ANKIB1: variants seen among roughly 807,000 people sequenced by gnomAD.
ANKIB1 encodes the protein ankyrin repeat and IBR domain-containing protein 1.
Under a neutral mutation model 122.1 loss-of-function variants are expected in ANKIB1, and 43 were observed. That is an observed-to-expected ratio of 0.35 (90% CI 0.28 to 0.45). The LOEUF (loss-of-function observed/expected upper bound fraction) is 0.45, where lower values mean the gene tolerates loss of function less well. Among genes scored for constraint, ANKIB1 ranks in the 20% least tolerant of loss-of-function variants. The probability of loss-of-function intolerance (pLI) is 1.00; values close to 1 mark genes in which losing one functional copy is unlikely to be tolerated. For missense variants in ANKIB1, 992 were observed against 1,329.5 expected (o/e 0.75, Z 3.95); for synonymous variants, 390 against 442.0 (o/e 0.88, Z 1.48).
intron 2 of ANKIB1, among the ~76,000 whole-genome samples, chr7:92,300,943 C>T (rs1337516129): frequency 6.6e-6 from 1 of 152,098 alleles, no homozygotes; most frequent in Non-Finnish European, 1.5e-5. Flanking sequence ...TGAGATCTTG[C>T]ACTCATTTGT....
At chr7:92,286,143 G>C (rs1454095147) in intron 1 of ANKIB1, among the ~76,000 whole-genome samples, 2 of 152,130 alleles carry the variant, frequency 1.3e-5, no homozygotes, top group Non-Finnish European at 2.9e-5. Flanking sequence ...TTCTCCAAAT[G>C]AGATATTTTA....
At chr7:92,395,965 A>T (rs369182992) in intron 17 of ANKIB1, 2 of 213,040 alleles carry the variant, frequency 9.4e-6, no homozygotes, top group Non-Finnish European at 1.8e-5. Flanking sequence ...CCTAAGCAAC[A>T]TAGCAAGACT....
chr7:92,363,782 A>T (rs1458425183), intron 10 of ANKIB1, among the ~76,000 whole-genome samples: 2 of 152,250 alleles, frequency 1.3e-5, no homozygotes, highest in East Asian at 3.9e-4. Context: ...TCAGCATTTT[A>T]GATCTACGAG....
At position 92,295,065 on chromosome 7, in the gene ANKIB1, G is replaced by A; in HGVS notation, c.87G>A (p.Gln29=). The change falls in exon 2 of 20, where the codon CAG becomes CAA. Residue 29 remains glutamine (Q), a synonymous_variant. Transcript: ENST00000265742. ...LACQIYENNP[Q]LKESLDPNTS... ...GCCAAATATATGAAAACAATCCTCA[G>A]CTAAAAGAATCTCTTGATCCAAATA... is the stretch of plus-strand genomic sequence containing the variant. 1.9e-6 allele frequency: 3 copies of A among 1,598,976 alleles called. No homozygotes were observed. The highest frequency in any genetic ancestry group is 2.6e-6 in the Non-Finnish European group (3 of 1,172,408).
chr7:92,368,886 A>G (rs1448866699), intron 10 of ANKIB1, among the ~76,000 whole-genome samples: 7 of 152,166 alleles, frequency 4.6e-5, no homozygotes, highest in Admixed American at 4.6e-4. Flanking sequence ...CAGTTAGGAG[A>G]TCACATTCTC....
chr7:92,389,274 C>G (rs571803987), intron 14 of ANKIB1, among the ~76,000 whole-genome samples: 1 of 152,082 alleles, frequency 6.6e-6, no homozygotes, highest in African/African-American at 2.4e-5. Flanking sequence ...CCAAAATAAT[C>G]TGAGTTTCTG....
At position 92,363,053 on chromosome 7, in the gene ANKIB1, TA is replaced by T. The variant is rs540406716; in HGVS notation, c.1486+793del. Reference sequence around the variant, plus strand: ...GTGAAAATTAATTAGTTCTGGTCTTTAAAAAAAAAAAAAGACTTAGATAATG... The same window carrying T: ...GTGAAAATTAATTAGTTCTGGTCTTTAAAAAAAAAAAAGACTTAGATAATG... On this transcript the variant is annotated intron_variant, in intron 10 of 19. Coordinates refer to ENST00000265742, the MANE Select transcript of ANKIB1 (RefSeq NM_019004.2). Among the ~76,000 whole-genome samples the T allele has an allele frequency of 7.3e-3, 1,052 of 143,256 alleles. 3 individuals are homozygous for T. The highest frequency in any genetic ancestry group is 0.026 in the East Asian group (130 of 4,998). 94.0% of individuals were successfully genotyped at this position (143,256 alleles called of 152,430 possible).
intron 1 of ANKIB1, among the ~76,000 whole-genome samples, chr7:92,250,349 C>T (rs1393723971): frequency 2.0e-5 from 3 of 152,202 alleles, no homozygotes; most frequent in Admixed American, 2.0e-4. Flanking sequence ...GCCGAGATCA[C>T]GCCATTGCAC....
At position 92,398,637 on chromosome 7, in the gene ANKIB1, C is replaced by G. The variant is rs751630096; in HGVS notation, c.2958C>G (p.Ala986=). 1 of 1,613,910 alleles carries G rather than the reference C, an allele frequency of 6.2e-7. No individual in the cohort carries two copies. Among genetic ancestry groups the G allele is most frequent in the South Asian group, 1.1e-5 (1 of 91,076 alleles). Residue 986 remains alanine (A), a synonymous_variant, in exon 20 of 20, where the codon GCC becomes GCG. Transcript: ENST00000265742. ...ATGACATGAACCCTCAGAGTATTGCCCTGATTCCTCCAGCAACTACAGAAA... is the reference window on the plus strand; with the variant it reads ...ATGACATGAACCCTCAGAGTATTGCGCTGATTCCTCCAGCAACTACAGAAA... ...WFHDMNPQSI[A]LIPPATTEIS... is the part of the protein sequence containing the mutation.
chr7:92,272,145 A>G, intron 1 of ANKIB1, among the ~76,000 whole-genome samples: 1 of 152,212 alleles, frequency 6.6e-6, no homozygotes, highest in East Asian at 1.9e-4. Context: ...ACTGAATTGT[A>G]TGCTTAAAAA....
intron 5 of ANKIB1, among the ~76,000 whole-genome samples, chr7:92,341,804 C>G (rs150531456): frequency 6.6e-6 from 1 of 152,240 alleles, no homozygotes; most frequent in East Asian, 1.9e-4. Context: ...AGAAACCATA[C>G]TACTCTTGAG....
At chr7:92,317,283 G>A (rs889184889) in intron 3 of ANKIB1, among the ~76,000 whole-genome samples, 11 of 152,190 alleles carry the variant, frequency 7.2e-5, no homozygotes, top group African/African-American at 2.7e-4. Context: ...TTGGAGATCA[G>A]AATGACATTT....
At chr7:92,265,547 A>G (rs948247686) in intron 1 of ANKIB1, among the ~76,000 whole-genome samples, 1 of 152,238 alleles carries the variant, frequency 6.6e-6, no homozygotes, top group Admixed American at 6.5e-5. Flanking sequence ...GTAAAGCAAA[A>G]CATAACTATT....
At chr7:92,397,968 A>G (rs1382645390) in intron 19 of ANKIB1, 109 bp downstream of exon 19, 3 of 1,421,576 alleles carry the variant, frequency 2.1e-6, no homozygotes. Flanking sequence ...CCATTCTAAA[A>G]TCTTTGTTTT....
chr7:92,396,393 G>A lies in ANKIB1; in HGVS notation c.2312G>A (p.Arg771Lys). Residue 771 changes from arginine (R) to lysine (K), a missense_variant, in exon 18 of 20, where the codon AGG becomes AAG. Transcript: ENST00000265742. ...EEYAEFQYRR[R>K]HRQRRRGDVH... ...TATGCTGAATTTCAGTATCGGAGGA[G>A]GCACAGACAACGTCGTCGAGGAGAT... 1 of 1,594,730 alleles carries A rather than the reference G, an allele frequency of 6.3e-7. No individual in the cohort carries two copies. The highest frequency in any genetic ancestry group is 8.6e-7 in the Non-Finnish European group (1 of 1,169,344).
intron 1 of ANKIB1, among the ~76,000 whole-genome samples, chr7:92,281,466 GCCTGCTATGTTAACTCTTTT>G (rs1258298667): frequency 2.0e-5 from 3 of 152,202 alleles, no homozygotes; most frequent in Non-Finnish European, 4.4e-5. Context: ...GCCATCTGAA[GCCTGCTATGTTAACTCTTTT>G]CCATATAATA....
At chr7:92,317,132 T>A (rs1802810501) in intron 3 of ANKIB1, among the ~76,000 whole-genome samples, 1 of 152,186 alleles carries the variant, frequency 6.6e-6, no homozygotes, top group African/African-American at 2.4e-5. Context: ...GATCCTGCTA[T>A]GGATATGATA....
chr7:92,315,576 A>C (rs1802778909), intron 3 of ANKIB1, among the ~76,000 whole-genome samples: 1 of 152,174 alleles, frequency 6.6e-6, no homozygotes, highest in East Asian at 1.9e-4. Flanking sequence ...AAACACAAAA[A>C]ATAGAGAAAT....
chr7:92,320,506 C>A (rs995527054), intron 4 of ANKIB1, among the ~76,000 whole-genome samples: 1 of 152,150 alleles, frequency 6.6e-6, no homozygotes, highest in Admixed American at 6.6e-5. Flanking sequence ...TTATGTCTTC[C>A]CGGTCTCAAT....
Sources: allele counts gnomAD v4.1 joint callset (sites outside exome capture counted in the v4.1 genomes callset), GRCh38; gene constraint gnomAD v4.1.1; transcripts MANE v1.5; gene names NCBI Gene and HGNC (gene_info 2026-07-23, HGNC 2026-07-21).